LAMB4: variants seen among roughly 807,000 people sequenced by gnomAD.
LAMB4 encodes laminin subunit beta-4.
A neutral mutation model predicts 199.2 loss-of-function variants in LAMB4; 196 were observed. That is an observed-to-expected ratio of 0.98 (90% confidence interval 0.88 to 1.11). The LOEUF is 1.11. Among genes scored for constraint, LAMB4 ranks in the 50% least tolerant of loss-of-function variants. The pLI, the probability that LAMB4 is intolerant of heterozygous loss-of-function variation, is 0.00. For missense variants in LAMB4, 2,080 were observed against 2,171.2 expected (o/e 0.96, Z 0.83); for synonymous variants, 744 against 770.6 (o/e 0.97, Z 0.57).
chr7:108,056,606 G>A (rs2035993646), intron 24 of LAMB4, among the ~76,000 whole-genome samples: 1 of 152,218 alleles, frequency 6.6e-6, no homozygotes, highest in African/African-American at 2.4e-5. Context: ...TGATCTTACT[G>A]CAATTTCCAA....
At position 108,078,229 on chromosome 7, in the gene LAMB4, G is replaced by A; in HGVS notation, c.1975C>T (p.Gln659Ter). ...GTAGCCGCTGGTAAGGCAAAAGACT[G>A]AGGCTTTGACTGTAGAGTCTTGGGT... Reference protein sequence around the residue: ...CIPKTLQSKPQSFALPAATRI... With the variant: ...CIPKTLQSKP Residue 659 changes from glutamine to a stop codon, truncating the protein, a stop_gained, in exon 16 of 34, where the codon CAG becomes TAG. Coordinates refer to ENST00000388781, the MANE Select transcript of LAMB4 (RefSeq NM_007356.3). LOFTEE classifies it high-confidence loss of function. 4 of 1,610,898 alleles carry A rather than the reference G, an allele frequency of 2.5e-6. No homozygotes were observed. The highest frequency in any genetic ancestry group is 2.2e-5 in the South Asian group (2 of 90,102).
intron 3 of LAMB4, among the ~76,000 whole-genome samples, chr7:108,112,602 T>G (rs1159599827): frequency 6.6e-6 from 1 of 152,136 alleles, no homozygotes; most frequent in Non-Finnish European, 1.5e-5. Flanking sequence ...CTGCTTAGGA[T>G]GGATTTTTGA....
At chr7:108,062,187 G>T (rs570004445) in intron 23 of LAMB4, among the ~76,000 whole-genome samples, 2 of 152,236 alleles carry the variant, frequency 1.3e-5, no homozygotes, top group South Asian at 2.1e-4. Context: ...GTGCCCACTG[G>T]TTTATTGACT....
intron 14 of LAMB4, among the ~76,000 whole-genome samples, chr7:108,083,458 G>A (rs1251096026): frequency 6.6e-6 from 1 of 152,148 alleles, no homozygotes; most frequent in African/African-American, 2.4e-5. Context: ...ATTCACCAAG[G>A]TGGGAAAACG....
At chr7:108,092,489 C>G (rs759916752) in intron 12 of LAMB4, 73 bp from the exon 13 acceptor site, 71 of 1,135,982 alleles carry the variant, frequency 6.3e-5, no homozygotes, top group Admixed American at 2.4e-4. Context: ...ACTGAAATCA[C>G]TACAATGCAA....
rs2036042482 is a variant in LAMB4, at chr7:108,058,047, G to A, written c.3283-119C>T. 4.3e-6 allele frequency: 3 copies of A among 693,914 alleles called. No homozygotes were observed. The East Asian group carries it at 8.1e-5, about 19-fold the overall frequency. 43.0% of individuals were successfully genotyped at this position (693,914 alleles called of 1,614,324 possible). On this transcript the variant is annotated intron_variant, in intron 23 of 33. Coordinates refer to ENST00000388781, the MANE Select transcript of LAMB4 (RefSeq NM_007356.3). ...GAACATACAGCTGTGCAAAGGCGGA[G>A]GAAGGATGATTCCCATGTCCAGCAG...
intron 2 of LAMB4, 130 bp from the exon 3 acceptor site, chr7:108,116,291 G>A (rs2038406129): frequency 3.4e-6 from 3 of 872,614 alleles, no homozygotes; most frequent in Non-Finnish European, 4.9e-6. Flanking sequence ...AGACTTTTAA[G>A]TTTATTAATA....
intron 26 of LAMB4, among the ~76,000 whole-genome samples, chr7:108,051,161 T>C (rs1000193169): frequency 2.6e-5 from 4 of 152,216 alleles, no homozygotes; most frequent in African/African-American, 9.6e-5. Flanking sequence ...AACTGTCTTC[T>C]AGATTAGGAA....
Position 108,111,866 on chromosome 7 carries a change from A to T in LAMB4, c.273T>A (p.Asn91Lys). ...YDQPNSHTIENVIVSFEPDRE... is the reference protein window; with the variant it reads ...YDQPNSHTIEKVIVSFEPDRE... ...TGTCTGGTTCAAAACTTACAATGAC[A>T]TTCTCAATGGTGTGGCTGTTGGGTT... is the stretch of plus-strand genomic sequence containing the variant. The change falls in exon 4 of 34, where the codon AAT becomes AAA. Residue 91 changes from asparagine to lysine, a missense_variant. Transcript: ENST00000388781. The T allele has an allele frequency of 6.2e-7, 1 of 1,612,040 alleles. No individual in the cohort carries two copies. Among genetic ancestry groups the T allele is most frequent in the Non-Finnish European group, 8.5e-7 (1 of 1,179,104 alleles).
chr7:108,060,003 G>A (rs986371083), intron 23 of LAMB4, among the ~76,000 whole-genome samples: 57 of 152,120 alleles, frequency 3.7e-4, no homozygotes, highest in African/African-American at 1.4e-3. Context: ...TGGCACATTT[G>A]GATCTCTCTG....
chr7:108,089,946 A>C (rs890245209), intron 14 of LAMB4, among the ~76,000 whole-genome samples: 8 of 152,172 alleles, frequency 5.3e-5, no homozygotes, highest in Non-Finnish European at 1.2e-4. Flanking sequence ...TACAGATGTG[A>C]GCTACTGTGC....
chr7:108,093,261 T>A (rs2037479069), intron 12 of LAMB4, among the ~76,000 whole-genome samples: 1 of 152,060 alleles, frequency 6.6e-6, no homozygotes, highest in Admixed American at 6.6e-5. Flanking sequence ...GAGACGGGGT[T>A]TTACCGTGTT....
chr7:108,078,268 TC>T lies in LAMB4; in HGVS notation c.1935del (p.Ser646ValfsTer33), dbSNP rs1563071625. On this transcript the variant is annotated frameshift_variant, in exon 16 of 34. Coordinates refer to ENST00000388781, the MANE Select transcript of LAMB4 (RefSeq NM_007356.3). LOFTEE classifies it high-confidence loss of function. ...AGAGTCTTGGGTATGCAGTGCTCAC[TC>T]CCTCCAGGGGGGTTCACCACAATCT... is the stretch of plus-strand genomic sequence containing the variant. The part of the protein sequence containing the change: ...TVQIVVNPPG[G>X]SEHCIPKTLQ... The T allele has an allele frequency of 6.2e-7, 1 of 1,611,446 alleles. No individual in the cohort carries two copies. Among genetic ancestry groups the T allele is most frequent in the African/African-American group, 1.3e-5 (1 of 75,010 alleles).
intron 14 of LAMB4, among the ~76,000 whole-genome samples, chr7:108,081,293 G>T (rs1346427295): frequency 3.3e-5 from 5 of 151,974 alleles, no homozygotes; most frequent in Non-Finnish European, 7.4e-5. Context: ...TCCCTAACCA[G>T]CCAACACAGC....
At chr7:108,024,262 T>C (rs942214042) in intron 33 of LAMB4, 84 bp from the exon 34 acceptor site, 9 of 658,634 alleles carry the variant, frequency 1.4e-5, no homozygotes, top group African/African-American at 1.3e-4. Context: ...ACACAGGGAT[T>C]TATGCGCCTC....
chr7:108,056,180 C>G (rs1354966963), intron 24 of LAMB4, among the ~76,000 whole-genome samples, 173 bp from the exon 25 acceptor site: 5 of 152,198 alleles, frequency 3.3e-5, no homozygotes, highest in Non-Finnish European at 7.3e-5. Flanking sequence ...TATAAGACAG[C>G]ATGGCTCTCT....
At chr7:108,127,446 T>C (rs1282547987) in intron 1 of LAMB4, among the ~76,000 whole-genome samples, 2 of 152,168 alleles carry the variant, frequency 1.3e-5, no homozygotes, top group African/African-American at 4.8e-5. Context: ...CTTATCTCCT[T>C]AAACAGTGGT....
intron 17 of LAMB4, among the ~76,000 whole-genome samples, chr7:108,076,725 C>T (rs2036716425): frequency 6.6e-6 from 1 of 152,132 alleles, no homozygotes; most frequent in Non-Finnish European, 1.5e-5. Flanking sequence ...TGAAAGTATA[C>T]CTACCACACA....
rs532830779 is a variant in LAMB4 at position 108,126,664 on chromosome 7, A to C, written c.-33-3467T>G. 5.0e-5 allele frequency among the ~76,000 whole-genome samples: 7 copies of C among 141,116 alleles called. No homozygotes were observed. The East Asian group carries it at 1.5e-3, about 30-fold the overall frequency. The allele number at this position is 141,116 out of a possible 152,430, so 92.6% of individuals were successfully genotyped here. A position where few individuals can be genotyped will look rare whatever the true frequency, so the allele number is the denominator to read the frequency against. On this transcript the variant is annotated intron_variant, in intron 1 of 33. Transcript: ENST00000388781. The stretch of plus-strand genomic sequence containing the variant: ...ACTGCAAGCTCCGCTTCCCGGGTTC[A>C]CGCCATTCTCCTGCCTCAGCCTCCC...
Sources: gnomAD v4.1 joint callset for allele counts (sites outside exome capture counted in the v4.1 genomes callset) on GRCh38, gnomAD v4.1.1 for gene constraint, MANE v1.5 for transcripts, NCBI Gene and HGNC (gene_info 2026-07-23, HGNC 2026-07-21) for gene names.